The following SPAG16 variants were observed in gnomAD, a reference collection of about 807,000 sequenced individuals.
The protein encoded by SPAG16 is sperm-associated antigen 16 protein.
SPAG16 carries 86 observed loss-of-function variants against 80.4 expected under a neutral mutation model. That is an observed-to-expected ratio of 1.07 (90% confidence interval 0.90 to 1.28). SPAG16 has a LOEUF of 1.28. Among genes scored for constraint, SPAG16 ranks in the 50% most tolerant of loss-of-function variants. The pLI is 0.00. For synonymous variants in SPAG16, 294 were observed against 265.9 expected, an observed-to-expected ratio of 1.11 and a Z score of -1.03; for missense variants, 870 against 765.3, an observed-to-expected ratio of 1.14 and a Z score of -1.61.
At chr2:213,735,508 C>G (rs1259718107) in intron 10 of SPAG16, among the ~76,000 whole-genome samples, 3 of 152,196 alleles carry the variant, frequency 2.0e-5, no homozygotes, top group African/African-American at 7.2e-5. Flanking sequence ...TGCGATTCAT[C>G]AACTGAAGCT....
intron 10 of SPAG16, among the ~76,000 whole-genome samples, chr2:213,781,650 AC>A (rs2069980576): frequency 6.6e-6 from 1 of 152,152 alleles, no homozygotes; most frequent in Non-Finnish European, 1.5e-5. Context: ...TTAATTTAGG[AC>A]TTTTGCATAT....
At chr2:213,545,926 C>T (rs947080273) in intron 10 of SPAG16, among the ~76,000 whole-genome samples, 15 of 152,092 alleles carry the variant, frequency 9.9e-5, no homozygotes, top group African/African-American at 2.4e-5. Context: ...AGCCTGGTTT[C>T]TGGTGACCCA....
At chr2:213,532,505 A>G (rs893850050) in intron 10 of SPAG16, among the ~76,000 whole-genome samples, 10 of 150,020 alleles carry the variant, frequency 6.7e-5, no homozygotes, top group South Asian at 4.2e-4. Context: ...TCTGTTGCCA[A>G]TGCTAGAGTT....
At position 213,296,067 on chromosome 2, in the gene SPAG16, T is replaced by A. The variant is rs1416634254; in HGVS notation, c.140T>A (p.Val47Asp). 1 of 1,609,690 alleles carries A rather than the reference T, an allele frequency of 6.2e-7. No individual in the cohort carries two copies. Among genetic ancestry groups the A allele is most frequent in the Non-Finnish European group, 8.5e-7 (1 of 1,176,750 alleles). ...TAAAACTTGACAAGATATTCAGAGG[T>A]CACCATAACTGAAGCATCTGAAGAT... ...AAEGAYYLEQ[V>D]TITEASEDDY... Residue 47 changes from valine (V) to aspartate (D), a missense_variant, in exon 2 of 16, where the codon GTC becomes GAC. Transcript: ENST00000331683.
chr2:214,151,003 A>C (rs1300236640), intron 15 of SPAG16, among the ~76,000 whole-genome samples: 1 of 152,060 alleles, frequency 6.6e-6, no homozygotes, highest in Admixed American at 6.6e-5. Context: ...AAGAAACATC[A>C]AAGACAACAC....
chr2:213,834,249 A>T (rs1367012501), intron 10 of SPAG16, among the ~76,000 whole-genome samples: 14 of 152,194 alleles, frequency 9.2e-5, no homozygotes, highest in Admixed American at 9.2e-4. Flanking sequence ...CAGAATTAAA[A>T]CAGACTAATA....
At chr2:213,638,782 G>A (rs1204791573) in intron 10 of SPAG16, among the ~76,000 whole-genome samples, 6 of 152,254 alleles carry the variant, frequency 3.9e-5, no homozygotes, top group Admixed American at 3.3e-4. Flanking sequence ...TATAGTTTAA[G>A]TCTGTTGTTT....
intron 10 of SPAG16, among the ~76,000 whole-genome samples, chr2:213,613,075 A>G (rs1194299962): frequency 1.3e-5 from 2 of 152,218 alleles, no homozygotes; most frequent in African/African-American, 4.8e-5. Context: ...TTCAGAGTGT[A>G]TGCAGTATCT....
chr2:214,121,371 C>T (rs1424618670), intron 14 of SPAG16, among the ~76,000 whole-genome samples: 2 of 151,762 alleles, frequency 1.3e-5, no homozygotes, highest in East Asian at 3.9e-4. Flanking sequence ...AGGACAGATT[C>T]GCTGTTCCTT....
At chr2:213,961,712 G>T (rs1407617211) in intron 12 of SPAG16, among the ~76,000 whole-genome samples, 1 of 151,114 alleles carries the variant, frequency 6.6e-6, no homozygotes, top group Non-Finnish European at 1.5e-5. Flanking sequence ...ACACATCCTT[G>T]CATTTCTAGT....
At chr2:214,134,767 G>T (rs923109408) in intron 14 of SPAG16, among the ~76,000 whole-genome samples, 2 of 151,956 alleles carry the variant, frequency 1.3e-5, no homozygotes, top group African/African-American at 4.8e-5. Context: ...TCCCTTTAAC[G>T]TATCGATATT....
chr2:213,803,526 A>G lies in SPAG16; in HGVS notation c.1071-58959A>G, dbSNP rs564695374. Among the ~76,000 whole-genome samples the G allele has an allele frequency of 1.6e-4, 24 of 152,310 alleles. No homozygotes were observed. The East Asian group carries it at 3.9e-3, about 24-fold the overall frequency. On this transcript the variant is annotated intron_variant, in intron 10 of 15. Coordinates refer to ENST00000331683, the MANE Select transcript of SPAG16 (RefSeq NM_024532.5). ...AGTAAGCTCAAAAATCAAAGCCTCC[A>G]GATAGATTTTTTTAAAAGAAAAAAA...
chr2:213,620,486 G>T (rs766682986), intron 10 of SPAG16, among the ~76,000 whole-genome samples: 3 of 151,648 alleles, frequency 2.0e-5, no homozygotes, highest in Non-Finnish European at 4.4e-5. Context: ...TAGAGATAGG[G>T]TTTCACCGTG....
At chr2:213,572,797 C>T (rs1309375347) in intron 10 of SPAG16, among the ~76,000 whole-genome samples, 3 of 152,144 alleles carry the variant, frequency 2.0e-5, no homozygotes, top group African/African-American at 7.2e-5. Context: ...CTTTGTTTAC[C>T]TAAGCAAGCC....
chr2:213,522,721 A>G (rs2075725533), intron 10 of SPAG16, among the ~76,000 whole-genome samples: 1 of 152,078 alleles, frequency 6.6e-6, no homozygotes, highest in South Asian at 2.1e-4. Flanking sequence ...CCACAAATAT[A>G]ATTTCAGGAC....
intron 12 of SPAG16, among the ~76,000 whole-genome samples, chr2:214,002,554 T>G (rs1041399495): frequency 2.0e-5 from 3 of 152,158 alleles, no homozygotes; most frequent in Admixed American, 2.0e-4. Context: ...GATGCAATTA[T>G]GGAGGCAGGA....
intron 10 of SPAG16, among the ~76,000 whole-genome samples, chr2:213,855,179 A>G (rs2075093201): frequency 6.6e-6 from 1 of 152,224 alleles, no homozygotes; most frequent in Non-Finnish European, 1.5e-5. Flanking sequence ...ATGGTTAGAA[A>G]ATGACAAAAA....
intron 13 of SPAG16, among the ~76,000 whole-genome samples, chr2:214,074,356 G>A (rs1361769956): frequency 6.6e-6 from 1 of 152,154 alleles, no homozygotes; most frequent in Non-Finnish European, 1.5e-5. Context: ...ATATTCATAT[G>A]ACAAGTAATA....
intron 11 of SPAG16, among the ~76,000 whole-genome samples, chr2:213,928,581 A>G (rs1407744368): frequency 6.6e-6 from 1 of 152,210 alleles, no homozygotes; most frequent in Admixed American, 6.5e-5. Flanking sequence ...TGATTCTACT[A>G]TTCCCTCTGT....
Sources: gnomAD v4.1 joint callset for allele counts (sites outside exome capture counted in the v4.1 genomes callset) on GRCh38, gnomAD v4.1.1 for gene constraint, MANE v1.5 for transcripts, NCBI Gene and HGNC (gene_info 2026-07-23, HGNC 2026-07-21) for gene names.